Variants in RAB2A observed in about 807,000 individuals in gnomAD.
The protein encoded by RAB2A is ras-related protein Rab-2A.
A neutral mutation model predicts 32.5 loss-of-function variants in RAB2A; 7 were observed. The observed-to-expected ratio is 0.22, with a 90% CI of 0.12 to 0.40. RAB2A has a LOEUF of 0.40. Ranked by LOEUF, RAB2A falls within the 10% of genes least tolerant of loss-of-function variation. The probability of loss-of-function intolerance (pLI) is 1.00; values close to 1 mark genes in which losing one functional copy is unlikely to be tolerated. For synonymous variants in RAB2A, 79 were observed against 85.2 expected, an observed-to-expected ratio of 0.93 and a Z score of 0.40; for missense variants, 108 against 260.7, an observed-to-expected ratio of 0.41 and a Z score of 4.03.
chr8:60,617,337 C>T (rs1051916095), intron 6 of RAB2A, among the ~76,000 whole-genome samples: 4 of 152,196 alleles, frequency 2.6e-5, no homozygotes, highest in African/African-American at 7.2e-5. Context: ...TTATCGTAAG[C>T]GTCCTTTGAT....
At chr8:60,615,538 T>C (rs1360945868) in intron 6 of RAB2A, among the ~76,000 whole-genome samples, 1 of 152,206 alleles carries the variant, frequency 6.6e-6, no homozygotes, top group Non-Finnish European at 1.5e-5. Flanking sequence ...AGTGAAATGA[T>C]CAATTTTTTA....
At chr8:60,552,221 T>G (rs1807863342) in intron 1 of RAB2A, 1 of 152,124 alleles carries the variant, frequency 6.6e-6, no homozygotes. Flanking sequence ...CAGGCTGGTC[T>G]TGAACTCCTG....
At chr8:60,545,944 G>C (rs1807720884) in intron 1 of RAB2A, among the ~76,000 whole-genome samples, 1 of 152,122 alleles carries the variant, frequency 6.6e-6, no homozygotes, top group East Asian at 1.9e-4. Context: ...ATGAATACTA[G>C]CTCAACAGAT....
intron 6 of RAB2A, among the ~76,000 whole-genome samples, chr8:60,603,367 T>C (rs1804170237): frequency 6.6e-6 from 1 of 152,256 alleles, no homozygotes; most frequent in Non-Finnish European, 1.5e-5. Flanking sequence ...TACAGTTCCC[T>C]GTAAGGGATT....
At chr8:60,589,618 A>C (rs1803908523) in intron 5 of RAB2A, among the ~76,000 whole-genome samples, 3 of 152,208 alleles carry the variant, frequency 2.0e-5, no homozygotes, top group Admixed American at 1.3e-4. Context: ...AACCCTAAAC[A>C]AAAAGGGGCC....
At chr8:60,543,150 C>T (rs920333142) in intron 1 of RAB2A, among the ~76,000 whole-genome samples, 1 of 152,192 alleles carries the variant, frequency 6.6e-6, no homozygotes, top group East Asian at 1.9e-4. Flanking sequence ...AAAGATGACT[C>T]TTGATTAGTG....
chr8:60,519,669 C>T (rs1395125976), intron 1 of RAB2A, among the ~76,000 whole-genome samples: 11 of 152,084 alleles, frequency 7.2e-5, no homozygotes, highest in Non-Finnish European at 1.5e-5. Flanking sequence ...ATGTAGGTAC[C>T]TATTATATAC....
intron 1 of RAB2A, among the ~76,000 whole-genome samples, chr8:60,529,994 A>G (rs184936715): frequency 1.3e-4 from 20 of 152,204 alleles, no homozygotes; most frequent in South Asian, 6.2e-4. Context: ...TTTTTGAGAC[A>G]GGGTCTTGCT....
At chr8:60,618,516 C>T in intron 6 of RAB2A, 64 bp from the exon 7 acceptor site, 2 of 792,884 alleles carry the variant, frequency 2.5e-6, no homozygotes, top group Non-Finnish European at 3.6e-6. Flanking sequence ...TTCTATAGAG[C>T]ATATATAATG....
chr8:60,565,728 T>G (rs868249121), intron 2 of RAB2A, among the ~76,000 whole-genome samples: 2,301 of 77,516 alleles, frequency 0.03, 163 homozygotes, highest in African/African-American at 0.12. Flanking sequence ...TTTTTTTTTT[T>G]GAGACCAAGT....
chr8:60,586,739 G>C (rs1045459467), intron 5 of RAB2A, among the ~76,000 whole-genome samples: 2 of 151,856 alleles, frequency 1.3e-5, no homozygotes, highest in African/African-American at 4.8e-5. Context: ...AATGTAGCAA[G>C]ACCCTATCTC....
rs143803571 is a variant in RAB2A, at chr8:60,544,270, C to T, written c.47-14582C>T. On this transcript the variant is annotated intron_variant, in intron 1 of 7. Transcript: ENST00000262646. ...GGCCAGGCTGGTCTCGAACTCCGGA[C>T]CTCAAGTGATCTGCCCACCTCAGCC... Among the ~76,000 whole-genome samples, 52 of 151,690 alleles carry T rather than the reference C, an allele frequency of 3.4e-4. No homozygotes were observed. In the East Asian group the frequency reaches 9.4e-3, roughly 28 times the overall value.
chr8:60,571,979 T>C (rs1808202539), intron 2 of RAB2A, 67 bp from the exon 3 acceptor site: 1 of 1,189,466 alleles, frequency 8.4e-7, no homozygotes, highest in Non-Finnish European at 1.2e-6. Flanking sequence ...AACATTCTGT[T>C]TTTAATCCTT....
At chr8:60,521,027 G>T (rs1195705260) in intron 1 of RAB2A, among the ~76,000 whole-genome samples, 3 of 152,096 alleles carry the variant, frequency 2.0e-5, no homozygotes, top group African/African-American at 7.2e-5. Context: ...TGTTGCTCAG[G>T]CTGGTCTCAA....
intron 1 of RAB2A, among the ~76,000 whole-genome samples, chr8:60,531,377 C>T (rs1049308533): frequency 7.6e-4 from 115 of 152,264 alleles, no homozygotes; most frequent in Non-Finnish European, 1.9e-4. Context: ...AAGTTCATAC[C>T]TCTTCAGTTT....
intron 2 of RAB2A, among the ~76,000 whole-genome samples, chr8:60,567,315 C>A (rs1808130351): frequency 6.6e-6 from 1 of 152,036 alleles, no homozygotes; most frequent in South Asian, 2.1e-4. Flanking sequence ...AGGGTTTTAC[C>A]ATGTTGACCA....
At chr8:60,569,969 G>C (rs1338373895) in intron 2 of RAB2A, 3 of 456,114 alleles carry the variant, frequency 6.6e-6, no homozygotes, top group Non-Finnish European at 1.3e-5. Flanking sequence ...AAAGCATCTT[G>C]GAGCCCAGGA....
chr8:60,546,716 G>C (rs1057334414), intron 1 of RAB2A, among the ~76,000 whole-genome samples: 2 of 152,096 alleles, frequency 1.3e-5, no homozygotes, highest in Non-Finnish European at 2.9e-5. Flanking sequence ...TGTGAAGTAT[G>C]TATTGTTCTT....
At chr8:60,572,175 A>G (rs1023901635) in intron 3 of RAB2A, 62 bp downstream of exon 3, 9 of 1,279,090 alleles carry the variant, frequency 7.0e-6, no homozygotes, top group African/African-American at 3.0e-5. Context: ...AGTACATCGT[A>G]TATTTGTTTT....
Sources: gnomAD v4.1 joint callset for allele counts (sites outside exome capture counted in the v4.1 genomes callset) on GRCh38, gnomAD v4.1.1 for gene constraint, MANE v1.5 for transcripts, NCBI Gene and HGNC (gene_info 2026-07-23, HGNC 2026-07-21) for gene names.